Variants in OVGP1 observed in about 807,000 individuals in gnomAD.
The protein encoded by OVGP1 is oviductal glycoprotein 1.
A neutral mutation model predicts 48.2 loss-of-function variants in OVGP1; 26 were observed. The observed-to-expected ratio is 0.54, with a 90% CI of 0.40 to 0.75. The LOEUF (loss-of-function observed/expected upper bound fraction) is 0.75, where lower values mean the gene tolerates loss of function less well. OVGP1 is among the 30% of genes least tolerant of loss of function. The pLI is 0.00. For synonymous variants in OVGP1, 294 were observed against 305.7 expected (o/e 0.96, Z 0.40); for missense variants, 791 against 820.6 (o/e 0.96, Z 0.44).
Position 111,426,419 on chromosome 1 carries a change from C to A in OVGP1, c.260+18G>T, listed in dbSNP as rs1652397993. 6.2e-7 allele frequency: 1 copy of A among 1,613,794 alleles called. No individual in the cohort carries two copies. The highest frequency in any genetic ancestry group is 1.1e-5 in the South Asian group (1 of 90,942). ...GTGAAATCTGAAAATACAACCCCCA[C>A]ATCCAATATGAACACACCTCTCCTT... On this transcript the variant is annotated intron_variant, in intron 3 of 10. Coordinates refer to ENST00000369732, the MANE Select transcript of OVGP1 (RefSeq NM_002557.4).
At position 111,419,701 on chromosome 1, in the gene OVGP1, T is replaced by C; in HGVS notation, c.929A>G (p.Lys310Arg). 1 of 1,613,084 alleles carries C rather than the reference T, an allele frequency of 6.2e-7. No individual in the cohort carries two copies. The highest frequency in any genetic ancestry group is 1.1e-5 in the South Asian group (1 of 91,052). Residue 310 changes from lysine (K) to arginine (R), a missense_variant, in exon 9 of 11, where the codon AAG becomes AGG. Physicochemically the swap from Lys to Arg is conservative, Grantham distance 26 (BLOSUM62 2). Coordinates refer to ENST00000369732, the MANE Select transcript of OVGP1 (RefSeq NM_002557.4). ...FEICSFVWGAKKHWIDYQYVP... is the reference protein window; with the variant it reads ...FEICSFVWGARKHWIDYQYVP... ...ATACTGGTAATCAATCCAGTGCTTC[T>C]TCGCTCCCCAGACAAAGGAACAAAT...
intron 2 of OVGP1, 114 bp downstream of exon 2, chr1:111,426,948 A>G (rs1652415336): frequency 6.3e-7 from 1 of 1,585,744 alleles, no homozygotes; most frequent in Admixed American, 1.8e-5. Flanking sequence ...TGTTGGATCA[A>G]TAATCCCTGT....
chr1:111,421,822 A>T (rs1031067874), intron 6 of OVGP1, 149 bp from the exon 7 acceptor site: 134 of 608,588 alleles, frequency 2.2e-4, no homozygotes, highest in Admixed American at 4.7e-4. Flanking sequence ...AGGCTGTGCT[A>T]TCCACCTGCC....
chr1:111,421,377 G>A lies in OVGP1; in HGVS notation c.802C>T (p.Arg268Cys), dbSNP rs765320156. 15 of 1,614,130 alleles carry A rather than the reference G, an allele frequency of 9.3e-6. No homozygotes were observed. The highest frequency in any genetic ancestry group is 2.7e-5 in the African/African-American group (2 of 75,046). ...CCATTCTTAGAGGCTTTGAGGAGGCGAAAGGTACGTCCATAGGTGGGGATC... is the reference window on the plus strand; with the variant it reads ...CCATTCTTAGAGGCTTTGAGGAGGCAAAAGGTACGTCCATAGGTGGGGATC... ...MGIPTYGRTF[R>C]LLKASKNGLQ... The change falls in exon 8 of 11, where the codon CGC becomes TGC. Residue 268 changes from arginine to cysteine, a missense_variant. Physicochemically the swap from Arg to Cys is radical, Grantham distance 180. Transcript: ENST00000369732.
At chr1:111,419,822 T>A in intron 8 of OVGP1, 96 bp from the exon 9 acceptor site, 1 of 767,370 alleles carries the variant, frequency 1.3e-6, no homozygotes, top group Non-Finnish European at 2.3e-6. Flanking sequence ...AATCCAAGAA[T>A]CCCTAACCAG....
intron 2 of OVGP1, 192 bp downstream of exon 2, chr1:111,426,870 C>T (rs757618334): frequency 6.5e-7 from 1 of 1,548,110 alleles, no homozygotes; most frequent in East Asian, 2.4e-5. Flanking sequence ...AACAGATTCT[C>T]AAGTCTGGAC....
chr1:111,417,971 T>C (rs183260957), intron 9 of OVGP1, among the ~76,000 whole-genome samples: 1 of 152,284 alleles, frequency 6.6e-6, no homozygotes, highest in East Asian at 1.9e-4. Flanking sequence ...TTCACAATCA[T>C]TGAAGGTAAA....
chr1:111,421,514 G>A lies in OVGP1; in HGVS notation c.717+51C>T, dbSNP rs371814265. On this transcript the variant is annotated intron_variant, in intron 7 of 10. Transcript: ENST00000369732. The stretch of plus-strand genomic sequence containing the variant: ...CCTTGTTACTAAGAGCCAATGGCCT[G>A]AGCTCAGGGGGGCAGATGTCTGGAC... 9.9e-5 allele frequency: 160 copies of A among 1,608,678 alleles called. 3 individuals are homozygous for A. In the East Asian group the frequency reaches 1.3e-3, roughly 13 times the overall value.
rs773699883 is a variant in OVGP1 at position 111,421,357 on chromosome 1, C to G, written c.822G>C (p.Lys274Asn). Reference protein sequence around the residue: ...GRTFRLLKASKNGLQARAIGP... With the variant: ...GRTFRLLKASNNGLQARAIGP... ...CGATCGCTCTGGCCTGCAACCCATTCTTAGAGGCTTTGAGGAGGCGAAAGG... is the reference window on the plus strand; with the variant it reads ...CGATCGCTCTGGCCTGCAACCCATTGTTAGAGGCTTTGAGGAGGCGAAAGG... The change falls in exon 8 of 11, where the codon AAG becomes AAC. Residue 274 changes from lysine (K) to asparagine (N), a missense_variant. Lys to Asn is a moderately conservative substitution (Grantham distance 94). Coordinates refer to ENST00000369732, the MANE Select transcript of OVGP1 (RefSeq NM_002557.4). The G allele has an allele frequency of 1.9e-6, 3 of 1,614,154 alleles. No individual in the cohort carries two copies. The highest frequency in any genetic ancestry group is 2.5e-6 in the Non-Finnish European group (3 of 1,180,020).
Position 111,427,056 on chromosome 1 carries a change from C to T in OVGP1, c.55+6G>A, listed in dbSNP as rs1652417481. ...GGCTCTGGAAGGGAAAACACAGTTT[C>T]CTTACCATCGTGGTGTTTCAGCACA... On this transcript the variant is annotated splice_donor_region_variant and intron_variant, in intron 2 of 10. Coordinates refer to ENST00000369732, the MANE Select transcript of OVGP1 (RefSeq NM_002557.4). 1 of 1,614,126 alleles carries T rather than the reference C, an allele frequency of 6.2e-7. No individual in the cohort carries two copies. Among genetic ancestry groups the T allele is most frequent in the Non-Finnish European group, 8.5e-7 (1 of 1,180,000 alleles).
chr1:111,419,602 G>T lies in OVGP1; in HGVS notation c.1020+8C>A, dbSNP rs374349584. ...ATGTGCTGGAGCATGAAAGAGCCAG[G>T]GTCTCACCTTGTAACTGAAGCTGAT... On this transcript the variant is annotated splice_region_variant and intron_variant, in intron 9 of 10. Transcript: ENST00000369732. The T allele has an allele frequency of 3.8e-5, 57 of 1,518,934 alleles. No homozygotes were observed. The African/African-American group carries it at 6.4e-4, about 17-fold the overall frequency. 94.1% of individuals were successfully genotyped at this position (1,518,934 alleles called of 1,614,324 possible).
rs779893103 is a variant in OVGP1, at chr1:111,423,644, G to A, written c.382C>T (p.Leu128=). 6.2e-7 allele frequency: 1 copy of A among 1,614,164 alleles called. No individual in the cohort carries two copies. The highest frequency in any genetic ancestry group is 1.7e-5 in the Admixed American group (1 of 60,026). The change falls in exon 5 of 11, where the codon CTG becomes TTG. Residue 128 remains leucine, a synonymous_variant. Transcript: ENST00000369732. The part of the protein sequence containing the change: ...EKFIASVISL[L]RTHDFDGLDL... ...AGACCATCAAAGTCATGTGTCCTCAGAAGGGATATAACTGAAGCAATAAAC... is the reference window on the plus strand; with the variant it reads ...AGACCATCAAAGTCATGTGTCCTCAAAAGGGATATAACTGAAGCAATAAAC...
At chr1:111,419,155 A>G (rs768240581) in intron 9 of OVGP1, among the ~76,000 whole-genome samples, 5 of 152,126 alleles carry the variant, frequency 3.3e-5, no homozygotes, top group Non-Finnish European at 7.4e-5. Flanking sequence ...TAAGCTTTCT[A>G]CACCACTGAG....
At chr1:111,416,103 C>T (rs1436370070) in intron 10 of OVGP1, among the ~76,000 whole-genome samples, 7 of 152,128 alleles carry the variant, frequency 4.6e-5, no homozygotes, top group Admixed American at 4.6e-4. Context: ...CATGAGTATA[C>T]AGATTATTCC....
intron 5 of OVGP1, 63 bp downstream of exon 5, chr1:111,423,480 A>G: frequency 1.9e-6 from 3 of 1,549,550 alleles, no homozygotes; most frequent in African/African-American, 1.4e-5. Context: ...TTCTCCTGCC[A>G]TAAGCCTAGA....
intron 5 of OVGP1, 133 bp from the exon 6 acceptor site, chr1:111,423,184 C>T: frequency 9.5e-7 from 1 of 1,048,676 alleles, no homozygotes; most frequent in Non-Finnish European, 1.4e-6. Flanking sequence ...TGGACATGGG[C>T]CATGCCACAG....
Position 111,427,690 on chromosome 1 carries a change from C to A in OVGP1, c.25+7G>T, listed in dbSNP as rs754032104. The A allele has an allele frequency of 3.7e-6, 6 of 1,613,074 alleles. No individual in the cohort carries two copies. The highest frequency in any genetic ancestry group is 4.2e-6 in the Non-Finnish European group (5 of 1,179,890). ...TGAGTGACACTGCTGGGACCTGCCACACTCACCAACCCACAGCAACAGCTT... is the reference window on the plus strand; with the variant it reads ...TGAGTGACACTGCTGGGACCTGCCAAACTCACCAACCCACAGCAACAGCTT... On this transcript the variant is annotated splice_region_variant and intron_variant, in intron 1 of 10. Transcript: ENST00000369732.
chr1:111,423,645 A>C lies in OVGP1; in HGVS notation c.381T>G (p.Leu127=). The C allele has an allele frequency of 6.2e-7, 1 of 1,614,184 alleles. No individual in the cohort carries two copies. The change falls in exon 5 of 11, where the codon CTT becomes CTG. Residue 127 remains leucine, a synonymous_variant. Transcript: ENST00000369732. ...REKFIASVIS[L]LRTHDFDGLD... ...GACCATCAAAGTCATGTGTCCTCAG[A>C]AGGGATATAACTGAAGCAATAAACT...
At position 111,425,430 on chromosome 1, in the gene OVGP1, C is replaced by T; in HGVS notation, c.270G>A (p.Glu90=). The T allele has an allele frequency of 6.2e-7, 1 of 1,614,152 alleles. No individual in the cohort carries two copies. The highest frequency in any genetic ancestry group is 8.5e-7 in the Non-Finnish European group (1 of 1,179,998). Residue 90 remains glutamate, a synonymous_variant, in exon 4 of 11, where the codon GAG becomes GAA. Coordinates refer to ENST00000369732, the MANE Select transcript of OVGP1 (RefSeq NM_002557.4). ...CGCCGATGGACAGTAGTGTTTTCAGCTCTCTGTTCCTATGATGTGAGAGAG... is the reference window on the plus strand; with the variant it reads ...CGCCGATGGACAGTAGTGTTTTCAGTTCTCTGTTCCTATGATGTGAGAGAG... ...EFNKLKERNR[E]LKTLLSIGGW...
Sources: allele counts gnomAD v4.1 joint callset (sites outside exome capture counted in the v4.1 genomes callset), GRCh38; gene constraint gnomAD v4.1.1; transcripts MANE v1.5; gene names NCBI Gene and HGNC (gene_info 2026-07-23, HGNC 2026-07-21).